Variants in CDH13 observed in about 807,000 individuals in gnomAD.
The protein encoded by CDH13 is cadherin-13.
A neutral mutation model predicts 63.8 loss-of-function variants in CDH13; 24 were observed. The observed-to-expected ratio is 0.38, with a 90% CI of 0.27 to 0.53. The LOEUF is 0.53. Among genes scored for constraint, CDH13 ranks in the 20% least tolerant of loss-of-function variants. CDH13 has a pLI of 0.85. For synonymous variants in CDH13, 503 were observed against 355.3 expected (o/e 1.42, Z -4.67); for missense variants, 1,049 against 903.1 (o/e 1.16, Z -2.07).
chr16:83,678,565 C>G (rs1462375056), intron 10 of CDH13, 104 bp downstream of exon 10: 2 of 1,391,388 alleles, frequency 1.4e-6, no homozygotes, highest in Non-Finnish European at 2.0e-6. Context: ...TTAAATTAAA[C>G]TTGTTAACAA....
intron 5 of CDH13, among the ~76,000 whole-genome samples, chr16:83,234,520 A>G (rs545230814): frequency 6.6e-6 from 1 of 152,246 alleles, no homozygotes; most frequent in South Asian, 2.1e-4. Flanking sequence ...CCAAGTCCAG[A>G]TTCCTGCTCC....
At chr16:82,777,977 T>A (rs1194584311) in intron 1 of CDH13, among the ~76,000 whole-genome samples, 1 of 151,984 alleles carries the variant, frequency 6.6e-6, no homozygotes, top group Non-Finnish European at 1.5e-5. Flanking sequence ...GAAGCCACAG[T>A]TTTTGATAAC....
chr16:83,742,559 T>C (rs1187314156), intron 10 of CDH13, among the ~76,000 whole-genome samples: 1 of 152,168 alleles, frequency 6.6e-6, no homozygotes, highest in Non-Finnish European at 1.5e-5. Context: ...ATTTTTACAC[T>C]GAAAGGTTTA....
At position 83,512,850 on chromosome 16, in the gene CDH13, T is replaced by C. The variant is rs909047178; in HGVS notation, c.960+26195T>C. 3.9e-5 allele frequency among the ~76,000 whole-genome samples: 6 copies of C among 152,068 alleles called. No individual in the cohort carries two copies. The East Asian group carries it at 1.2e-3, about 29-fold the overall frequency. On this transcript the variant is annotated intron_variant, in intron 7 of 13. Coordinates refer to ENST00000567109, the MANE Select transcript of CDH13 (RefSeq NM_001257.5). ...CGGGCCTCCCCACAAACCTCTTGAT[T>C]TGGAACCCTGGGAGGTGGCACCCAA...
intron 2 of CDH13, among the ~76,000 whole-genome samples, chr16:82,884,985 A>G (rs1258815329): frequency 6.6e-6 from 1 of 152,146 alleles, no homozygotes; most frequent in African/African-American, 2.4e-5. Context: ...AGTTGGGTGG[A>G]CTTACCCATA....
At chr16:83,426,105 C>T (rs368424848) in intron 6 of CDH13, among the ~76,000 whole-genome samples, 6 of 152,184 alleles carry the variant, frequency 3.9e-5, no homozygotes, top group East Asian at 3.9e-4. Flanking sequence ...TCCCAGGGAC[C>T]CTTTGGAAGA....
At chr16:82,741,357 G>T (rs927481592) in intron 1 of CDH13, among the ~76,000 whole-genome samples, 2 of 152,054 alleles carry the variant, frequency 1.3e-5, no homozygotes, top group Non-Finnish European at 2.9e-5. Flanking sequence ...ATGTTTATTC[G>T]TCAGAGCCCA....
chr16:83,519,679 C>G (rs2074783518), intron 7 of CDH13, among the ~76,000 whole-genome samples: 1 of 151,970 alleles, frequency 6.6e-6, no homozygotes, highest in East Asian at 1.9e-4. Flanking sequence ...TTTATAGAGC[C>G]TAAAATATTC....
At chr16:83,150,956 A>G (rs1054834843) in intron 4 of CDH13, among the ~76,000 whole-genome samples, 1 of 152,154 alleles carries the variant, frequency 6.6e-6, no homozygotes, top group African/African-American at 2.4e-5. Context: ...TATATACCCC[A>G]TCTTTTTTTT....
chr16:83,193,229 C>T (rs1052395787), intron 4 of CDH13, among the ~76,000 whole-genome samples: 14 of 151,810 alleles, frequency 9.2e-5, no homozygotes, highest in African/African-American at 3.4e-4. Context: ...TAGATGCTAG[C>T]TCTTTACCTG....
chr16:82,631,033 A>G (rs1392447477), intron 1 of CDH13, among the ~76,000 whole-genome samples: 1 of 152,184 alleles, frequency 6.6e-6, no homozygotes, highest in African/African-American at 2.4e-5. Flanking sequence ...CCAAATGAGA[A>G]ATCCTGCCAT....
chr16:82,972,479 T>A (rs557270244), intron 2 of CDH13, among the ~76,000 whole-genome samples: 1 of 152,230 alleles, frequency 6.6e-6, no homozygotes, highest in South Asian at 2.1e-4. Context: ...ATTAGCTGAG[T>A]CTCCAGAGCA....
At chr16:82,638,670 A>G (rs760561929) in intron 1 of CDH13, among the ~76,000 whole-genome samples, 3 of 152,144 alleles carry the variant, frequency 2.0e-5, no homozygotes, top group Admixed American at 6.5e-5. Context: ...TTTGCTCCCC[A>G]GGGAGGATTT....
chr16:82,675,638 G>A (rs1913811889), intron 1 of CDH13, among the ~76,000 whole-genome samples: 1 of 152,086 alleles, frequency 6.6e-6, no homozygotes, highest in African/African-American at 2.4e-5. Context: ...TTTTGGTGCG[G>A]AGGCCACCAA....
intron 2 of CDH13, among the ~76,000 whole-genome samples, chr16:82,905,680 A>C (rs1218579701): frequency 6.6e-6 from 1 of 152,242 alleles, no homozygotes; most frequent in Non-Finnish European, 1.5e-5. Flanking sequence ...AGGTAAAATT[A>C]ATTTTAATAA....
intron 7 of CDH13, among the ~76,000 whole-genome samples, chr16:83,560,471 G>T (rs2075683681): frequency 6.6e-6 from 1 of 152,176 alleles, no homozygotes; most frequent in East Asian, 1.9e-4. Context: ...ATCTAAAATG[G>T]TCAAACTCAT....
intron 7 of CDH13, among the ~76,000 whole-genome samples, chr16:83,585,734 CA>C (rs894750538): frequency 6.1e-5 from 9 of 146,860 alleles, no homozygotes; most frequent in South Asian, 2.2e-4. Context: ...GGCAACCTAC[CA>C]AAAAAAAAAC....
chr16:83,071,924 C>T (rs1244512365), intron 3 of CDH13, among the ~76,000 whole-genome samples: 1 of 152,010 alleles, frequency 6.6e-6, no homozygotes, highest in African/African-American at 2.4e-5. Context: ...TCTATGTGGT[C>T]ATCTAATCAT....
intron 5 of CDH13, among the ~76,000 whole-genome samples, chr16:83,258,131 C>G (rs1906516023): frequency 6.6e-6 from 1 of 152,122 alleles, no homozygotes; most frequent in Admixed American, 6.5e-5. Context: ...GGGGCTATTT[C>G]TGATTTACAC....
Sources: allele counts gnomAD v4.1 joint callset (sites outside exome capture counted in the v4.1 genomes callset), GRCh38; gene constraint gnomAD v4.1.1; transcripts MANE v1.5; gene names NCBI Gene and HGNC (gene_info 2026-07-23, HGNC 2026-07-21).